Variants in GPC5 observed in about 807,000 individuals in gnomAD.
The protein encoded by GPC5 is glypican-5.
GPC5 carries 47 observed loss-of-function variants against 53.9 expected under a neutral mutation model. The observed-to-expected ratio is 0.87, with a 90% confidence interval of 0.69 to 1.11. The LOEUF is 1.11. GPC5 is among the 50% of genes most tolerant of loss of function. GPC5 has a pLI of 0.00. For missense variants in GPC5, 748 were observed against 713.1 expected (o/e 1.05, Z -0.56); for synonymous variants, 286 against 263.3 (o/e 1.09, Z -0.84).
At chr13:92,781,670 G>T (rs1008238414) in intron 7 of GPC5, among the ~76,000 whole-genome samples, 2 of 152,146 alleles carry the variant, frequency 1.3e-5, no homozygotes, top group Admixed American at 6.5e-5. Flanking sequence ...TGTTAAATAT[G>T]ATCATGATGC....
At chr13:91,483,866 A>G (rs1002640088) in intron 2 of GPC5, among the ~76,000 whole-genome samples, 1 of 152,174 alleles carries the variant, frequency 6.6e-6, no homozygotes, top group African/African-American at 2.4e-5. Context: ...TTATTCTAGG[A>G]TGTTATTCTA....
intron 7 of GPC5, among the ~76,000 whole-genome samples, chr13:92,513,293 A>G (rs544646663): frequency 6.6e-6 from 1 of 152,320 alleles, no homozygotes; most frequent in South Asian, 2.1e-4. Context: ...TATTAAACAT[A>G]GGAGAACATG....
intron 6 of GPC5, among the ~76,000 whole-genome samples, chr13:92,086,277 C>G (rs2041335438): frequency 6.6e-6 from 1 of 152,186 alleles, no homozygotes; most frequent in African/African-American, 2.4e-5. Context: ...GACACATCTT[C>G]ATTTTTAAGG....
intron 7 of GPC5, among the ~76,000 whole-genome samples, chr13:92,246,062 T>A (rs984565423): frequency 2.0e-5 from 3 of 152,118 alleles, no homozygotes; most frequent in Non-Finnish European, 4.4e-5. Context: ...CATGATCACC[T>A]CATTGATTCT....
chr13:92,192,938 A>T (rs1006072502), intron 7 of GPC5, among the ~76,000 whole-genome samples: 1 of 152,122 alleles, frequency 6.6e-6, no homozygotes, highest in Non-Finnish European at 1.5e-5. Flanking sequence ...GCACTTTGGG[A>T]GGTCAAGGCG....
Position 91,495,352 on chromosome 13 carries a change from C to T in GPC5, c.325+46430C>T, listed in dbSNP as rs150525846. 2.4e-3 allele frequency among the ~76,000 whole-genome samples: 359 copies of T among 152,274 alleles called. 2 individuals carry two copies. The highest frequency in any genetic ancestry group is 6.6e-3 in the African/African-American group (276 of 41,554). On this transcript the variant is annotated intron_variant, in intron 2 of 7. Transcript: ENST00000377067. The stretch of plus-strand genomic sequence containing the variant: ...TGCAGTCTATTCTTGATGCAGTAGG[C>T]GGGAAGATCTTGAGGAAGCATCAAG...
intron 7 of GPC5, among the ~76,000 whole-genome samples, chr13:92,306,536 T>C (rs955110256): frequency 1.3e-5 from 2 of 152,202 alleles, no homozygotes; most frequent in African/African-American, 4.8e-5. Context: ...AGATGTGTCC[T>C]TTTTACTGCT....
intron 2 of GPC5, among the ~76,000 whole-genome samples, chr13:91,546,261 C>T (rs2030282452): frequency 6.6e-6 from 1 of 152,026 alleles, no homozygotes; most frequent in African/African-American, 2.4e-5. Flanking sequence ...AACATTACAA[C>T]ATAAATATCA....
chr13:92,726,842 T>C (rs1029857369), intron 7 of GPC5, among the ~76,000 whole-genome samples: 2 of 151,532 alleles, frequency 1.3e-5, no homozygotes, highest in Non-Finnish European at 3.0e-5. Flanking sequence ...TAATAAGTAC[T>C]CGTTCTGAAT....
chr13:92,539,199 T>C (rs66926992), intron 7 of GPC5, among the ~76,000 whole-genome samples: 15,846 of 151,296 alleles, frequency 0.1, 1,180 homozygotes, highest in African/African-American at 0.2. Context: ...TAATGGGATC[T>C]CTGGTCAAAT....
chr13:92,175,827 A>G (rs933946306), intron 7 of GPC5, among the ~76,000 whole-genome samples: 1 of 152,126 alleles, frequency 6.6e-6, no homozygotes, highest in Non-Finnish European at 1.5e-5. Flanking sequence ...AGGCACATTT[A>G]TCTCTTTAGA....
At chr13:91,885,998 G>C (rs2039317593) in intron 5 of GPC5, among the ~76,000 whole-genome samples, 1 of 151,728 alleles carries the variant, frequency 6.6e-6, no homozygotes, top group South Asian at 2.1e-4. Flanking sequence ...TCCCCATTCT[G>C]TTTACCTAGA....
chr13:92,419,856 C>G (rs1032731514), intron 7 of GPC5, among the ~76,000 whole-genome samples: 6 of 152,164 alleles, frequency 3.9e-5, no homozygotes, highest in Admixed American at 3.9e-4. Context: ...AGCATTCTTT[C>G]CTTCAGGAAA....
At chr13:91,436,609 A>G (rs1031099232) in intron 1 of GPC5, among the ~76,000 whole-genome samples, 1 of 152,154 alleles carries the variant, frequency 6.6e-6, no homozygotes, top group Non-Finnish European at 1.5e-5. Context: ...ACTTCCAACT[A>G]TGTGGTCAAT....
chr13:91,983,157 A>G (rs2138720193), intron 6 of GPC5, among the ~76,000 whole-genome samples: 1 of 152,240 alleles, frequency 6.6e-6, no homozygotes. Flanking sequence ...CATCCTGGCT[A>G]ACACGGTGAA....
intron 4 of GPC5, among the ~76,000 whole-genome samples, chr13:91,754,336 C>G (rs975188656): frequency 6.6e-6 from 1 of 151,960 alleles, no homozygotes; most frequent in Non-Finnish European, 1.5e-5. Flanking sequence ...TAGTGTAGTA[C>G]GTCCAGAGAA....
chr13:91,435,347 T>C (rs1879849226), intron 1 of GPC5, among the ~76,000 whole-genome samples: 1 of 152,206 alleles, frequency 6.6e-6, no homozygotes, highest in Non-Finnish European at 1.5e-5. Flanking sequence ...GTTATTATTT[T>C]GAGATTTGTC....
chr13:91,922,260 T>C (rs767407988), intron 6 of GPC5, among the ~76,000 whole-genome samples: 22 of 152,150 alleles, frequency 1.4e-4, no homozygotes, highest in Non-Finnish European at 2.9e-4. Context: ...TTGGTACTTT[T>C]ATTATTAACT....
At chr13:92,757,021 C>T (rs1171638288) in intron 7 of GPC5, among the ~76,000 whole-genome samples, 179 of 151,824 alleles carry the variant, frequency 1.2e-3, no homozygotes, top group African/African-American at 4.0e-3. Flanking sequence ...CCCGCATTGC[C>T]AAGTCAATCC....
Sources: gnomAD v4.1 joint callset for allele counts (sites outside exome capture counted in the v4.1 genomes callset) on GRCh38, gnomAD v4.1.1 for gene constraint, MANE v1.5 for transcripts, NCBI Gene and HGNC (gene_info 2026-07-23, HGNC 2026-07-21) for gene names.